The following CSMD3 variants were observed in gnomAD, a reference collection of about 807,000 sequenced individuals.
CSMD3 encodes the protein CUB and Sushi multiple domains 3, also known as CUB and sushi domain-containing protein 3.
A neutral mutation model predicts 435.2 loss-of-function variants in CSMD3; 177 were observed. The ratio of observed to expected loss-of-function variants is 0.41; its 90% confidence interval spans 0.36 to 0.46. The LOEUF (loss-of-function observed/expected upper bound fraction) is 0.46, where lower values mean the gene tolerates loss of function less well. Among genes scored for constraint, CSMD3 ranks in the 20% least tolerant of loss-of-function variants. The pLI, the probability that CSMD3 is intolerant of heterozygous loss-of-function variation, is 0.34. For missense variants in CSMD3, 4,265 were observed against 4,504.6 expected, an observed-to-expected ratio of 0.95 and a Z score of 1.52; for synonymous variants, 1,656 against 1,520.5, an observed-to-expected ratio of 1.09 and a Z score of -2.07.
chr8:113,086,842 T>C (rs1458570577), intron 5 of CSMD3, among the ~76,000 whole-genome samples: 3 of 152,224 alleles, frequency 2.0e-5, no homozygotes, highest in Non-Finnish European at 2.9e-5. Context: ...ATCAGTGTCC[T>C]ATTGAGGACG....
intron 11 of CSMD3, among the ~76,000 whole-genome samples, chr8:112,846,969 C>A (rs1460110960): frequency 6.6e-6 from 1 of 151,852 alleles, no homozygotes; most frequent in African/African-American, 2.4e-5. Context: ...GTGACCAGAG[C>A]TACTTTTCTT....
intron 28 of CSMD3, among the ~76,000 whole-genome samples, chr8:112,514,587 T>G (rs945739424): frequency 6.6e-6 from 1 of 152,186 alleles, no homozygotes; most frequent in Non-Finnish European, 1.5e-5. Flanking sequence ...CTTTCCTATT[T>G]ACCTTCATAT....
chr8:113,343,501 T>A (rs2094133375), intron 1 of CSMD3, among the ~76,000 whole-genome samples: 1 of 152,136 alleles, frequency 6.6e-6, no homozygotes. Context: ...GTCAAACAGT[T>A]TAAAATGAGT....
At chr8:112,675,248 G>A (rs374922892) in intron 16 of CSMD3, among the ~76,000 whole-genome samples, 35 of 152,106 alleles carry the variant, frequency 2.3e-4, no homozygotes, top group African/African-American at 6.7e-4. Context: ...AAATCATTTC[G>A]AGTATCCACA....
At chr8:112,501,027 C>G (rs560417905) in intron 30 of CSMD3, among the ~76,000 whole-genome samples, 1 of 152,052 alleles carries the variant, frequency 6.6e-6, no homozygotes, top group Non-Finnish European at 1.5e-5. Flanking sequence ...TAAAATCTGA[C>G]GCAGTCAACA....
chr8:112,457,332 C>T (rs986023198), intron 32 of CSMD3, among the ~76,000 whole-genome samples: 1 of 151,924 alleles, frequency 6.6e-6, no homozygotes, highest in Admixed American at 6.6e-5. Context: ...AATTCACAGG[C>T]GAGTGAGAGA....
chr8:112,866,075 A>G (rs1294685721), intron 10 of CSMD3, among the ~76,000 whole-genome samples: 1 of 152,154 alleles, frequency 6.6e-6, no homozygotes, highest in African/African-American at 2.4e-5. Flanking sequence ...GCTATGTATT[A>G]GGGTTGTTGA....
At chr8:113,101,440 T>C (rs2131558222) in intron 4 of CSMD3, among the ~76,000 whole-genome samples, 1 of 152,122 alleles carries the variant, frequency 6.6e-6, no homozygotes, top group African/African-American at 2.4e-5. Flanking sequence ...CAATAGACAT[T>C]TAAATACTTT....
chr8:113,301,244 T>C (rs887019953), intron 2 of CSMD3, among the ~76,000 whole-genome samples: 16 of 152,076 alleles, frequency 1.1e-4, no homozygotes, highest in Non-Finnish European at 5.9e-5. Context: ...GGTGCTGATT[T>C]TAATAAAGCA....
At chr8:112,583,845 A>G (rs1477529492) in intron 23 of CSMD3, among the ~76,000 whole-genome samples, 8 of 152,066 alleles carry the variant, frequency 5.3e-5, no homozygotes, top group African/African-American at 1.7e-4. Context: ...TGTTCAATTC[A>G]GAATGGATGC....
At chr8:113,211,050 G>T (rs1223547185) in intron 3 of CSMD3, among the ~76,000 whole-genome samples, 2 of 151,982 alleles carry the variant, frequency 1.3e-5, no homozygotes, top group Non-Finnish European at 2.9e-5. Flanking sequence ...CTGATGATGT[G>T]CTATGTTAAA....
intron 6 of CSMD3, among the ~76,000 whole-genome samples, chr8:112,998,111 G>A (rs1453059632): frequency 1.3e-5 from 2 of 151,170 alleles, no homozygotes; most frequent in Non-Finnish European, 3.0e-5. Context: ...TTTTATGTTG[G>A]TGAAACATGG....
intron 68 of CSMD3, among the ~76,000 whole-genome samples, 196 bp downstream of exon 68, chr8:112,234,169 C>T (rs1254671881): frequency 4.6e-5 from 7 of 151,594 alleles, no homozygotes; most frequent in Middle Eastern, 3.2e-3. Context: ...CACACACACA[C>T]GACAAAAGTA....
chr8:112,863,380 A>G (rs1396244802), intron 10 of CSMD3, among the ~76,000 whole-genome samples: 1 of 151,826 alleles, frequency 6.6e-6, no homozygotes, highest in South Asian at 2.1e-4. Flanking sequence ...AGGAGCATTT[A>G]TAGTAAATTC....
chr8:112,652,666 A>G (rs2075156935), intron 18 of CSMD3, among the ~76,000 whole-genome samples: 1 of 152,220 alleles, frequency 6.6e-6, no homozygotes, highest in Non-Finnish European at 1.5e-5. Flanking sequence ...TAATTGATTG[A>G]CAAGCAAATA....
intron 32 of CSMD3, among the ~76,000 whole-genome samples, chr8:112,467,987 C>A (rs1247262406): frequency 1.3e-5 from 2 of 151,966 alleles, no homozygotes; most frequent in African/African-American, 4.8e-5. Flanking sequence ...GTTATAGTAG[C>A]CTTAGGACAT....
intron 2 of CSMD3, chr8:113,310,887 C>G (rs2093862799): frequency 6.6e-6 from 1 of 151,340 alleles, no homozygotes; most frequent in Admixed American, 6.6e-5. Flanking sequence ...TAAATTATAT[C>G]CACAGGATTA....
intron 11 of CSMD3, among the ~76,000 whole-genome samples, chr8:112,858,170 C>T (rs1368541453): frequency 2.0e-5 from 3 of 151,604 alleles, no homozygotes; most frequent in Non-Finnish European, 4.4e-5. Context: ...GCAATATATA[C>T]TTTAATAACA....
At chr8:112,234,887 G>GT (rs1813426538) in intron 67 of CSMD3, among the ~76,000 whole-genome samples, 1 of 152,116 alleles carries the variant, frequency 6.6e-6, no homozygotes, top group Non-Finnish European at 1.5e-5. Context: ...GTGAAAAACA[G>GT]TATTCTAGGT....
Sources: allele counts gnomAD v4.1 joint callset (sites outside exome capture counted in the v4.1 genomes callset), GRCh38; gene constraint gnomAD v4.1.1; transcripts MANE v1.5; gene names NCBI Gene and HGNC (gene_info 2026-07-23, HGNC 2026-07-21).